DSCAML1: variants seen among roughly 807,000 people sequenced by gnomAD.
The protein encoded by DSCAML1 is cell adhesion molecule DSCAML1.
DSCAML1 carries 38 observed loss-of-function variants against 200.5 expected under a neutral mutation model. The observed-to-expected ratio is 0.19, with a 90% CI of 0.15 to 0.25. DSCAML1 has a LOEUF of 0.25. Among genes scored for constraint, DSCAML1 ranks in the 10% least tolerant of loss-of-function variants. DSCAML1 has a pLI of 1.00. For missense variants in DSCAML1, 2,223 were observed against 2,858.8 expected (o/e 0.78, Z 5.07); for synonymous variants, 1,215 against 1,165.0 (o/e 1.04, Z -0.87).
In DSCAML1 at chr11:117,780,458, T is replaced by C; in HGVS notation, c.364+35A>G. 6 of 1,416,092 alleles carry C rather than the reference T, an allele frequency of 4.2e-6. No homozygotes were observed. Among genetic ancestry groups the C allele is most frequent in the Non-Finnish European group, 5.6e-6 (6 of 1,080,590 alleles). 87.7% of individuals were successfully genotyped at this position (1,416,092 alleles called of 1,614,324 possible). A position where few individuals can be genotyped will look rare whatever the true frequency, so the allele number is the denominator to read the frequency against. ...TCAGAATGACGGCGCAGCCTCCTCC[T>C]GTGCCACTGGGGCAGCCAGTGTCTT... On this transcript the variant is annotated intron_variant, in intron 2 of 32. Coordinates refer to ENST00000651296, the MANE Select transcript of DSCAML1 (RefSeq NM_020693.4). This position sits in a 1 kb window ranked among gnomAD's most constrained non-coding sequence, Gnocchi z 4.8.
At chr11:117,575,872 C>CAAAACAAAACAAACAAA (rs2050924503) in intron 3 of DSCAML1, among the ~76,000 whole-genome samples, 1 of 136,958 alleles carries the variant, frequency 7.3e-6, no homozygotes, top group Admixed American at 7.4e-5. Context: ...CAAAACAAAA[C>CAAAACAAAACAAACAAA]AAAACAAAAC....
intron 3 of DSCAML1, chr11:117,611,371 T>C (rs1485760247): frequency 1.3e-5 from 2 of 152,202 alleles, no homozygotes; most frequent in East Asian, 3.8e-4. Flanking sequence ...CACAGGAGCA[T>C]CTTTACAGTG....
intron 11 of DSCAML1, among the ~76,000 whole-genome samples, chr11:117,484,357 C>T (rs61040460): frequency 0.012 from 1,881 of 152,304 alleles, 41 homozygotes; most frequent in African/African-American, 0.043. Flanking sequence ...CAAGCCACCT[C>T]CTCTGCTGCC....
chr11:117,474,725 T>G (rs966970513), intron 14 of DSCAML1, among the ~76,000 whole-genome samples: 2 of 152,020 alleles, frequency 1.3e-5, no homozygotes, highest in Admixed American at 1.3e-4. Context: ...TCAAGTGGGA[T>G]AGCTTTTGTG....
At chr11:117,624,317 C>T (rs1166333702) in intron 3 of DSCAML1, among the ~76,000 whole-genome samples, 3 of 152,054 alleles carry the variant, frequency 2.0e-5, no homozygotes, top group African/African-American at 7.2e-5. Flanking sequence ...TCTTTAGGCC[C>T]CTAAGAATGA....
chr11:117,480,247 C>T lies in DSCAML1; in HGVS notation c.2785+196G>A, dbSNP rs1473494704. Among the ~76,000 whole-genome samples the T allele has an allele frequency of 6.6e-6, 1 of 152,322 alleles. No homozygotes were observed. Among genetic ancestry groups the T allele is most frequent in the East Asian group, 1.9e-4 (1 of 5,168 alleles). On this transcript the variant is annotated intron_variant, in intron 14 of 32. Transcript: ENST00000651296. The surrounding 1 kb of genome is among the most constrained non-coding windows in gnomAD (Gnocchi z 4.1). ...CCATCAACTGGGGGTCTCCATCTTC[C>T]ACCCGGACTCCTAGCCCGGCCAGTG...
At chr11:117,787,899 G>A (rs1382352824) in intron 1 of DSCAML1, among the ~76,000 whole-genome samples, 1 of 152,174 alleles carries the variant, frequency 6.6e-6, no homozygotes, top group Non-Finnish European at 1.5e-5. Context: ...TGGGAGATGT[G>A]TTATGTGCCC....
intron 19 of DSCAML1, among the ~76,000 whole-genome samples, 192 bp downstream of exon 19, chr11:117,458,562 G>T (rs980679632): frequency 6.6e-6 from 1 of 151,938 alleles, no homozygotes; most frequent in Admixed American, 6.6e-5. Flanking sequence ...GTGCAGGGAG[G>T]TTCACAGTTG....
intron 3 of DSCAML1, among the ~76,000 whole-genome samples, chr11:117,587,196 C>G (rs1304631136): frequency 1.3e-5 from 2 of 151,798 alleles, no homozygotes; most frequent in Admixed American, 1.3e-4. Flanking sequence ...ACTGAAATAG[C>G]TGATACATGG....
intron 3 of DSCAML1, among the ~76,000 whole-genome samples, chr11:117,703,886 CCCCATCA>C (rs1434736605): frequency 6.6e-6 from 1 of 152,218 alleles, no homozygotes; most frequent in Non-Finnish European, 1.5e-5. Flanking sequence ...TACCAACACT[CCCCATCA>C]CAGAGCACGG....
chr11:117,737,049 G>GGGTATCA (rs1285696718), intron 3 of DSCAML1, among the ~76,000 whole-genome samples: 1 of 152,174 alleles, frequency 6.6e-6, no homozygotes, highest in Non-Finnish European at 1.5e-5. Flanking sequence ...TACACAGTGT[G>GGGTATCA]GGTATCAGGC....
In DSCAML1 at chr11:117,741,196, C is replaced by T. The variant is rs113291738; in HGVS notation, c.511+35595G>A. ...AGCAGCCGCCCAGCCAGGGACTCTG[C>T]TTTCCCAGAACTCCTTACATCTAGG... On this transcript the variant is annotated intron_variant, in intron 3 of 32. Coordinates refer to ENST00000651296, the MANE Select transcript of DSCAML1 (RefSeq NM_020693.4). Among the ~76,000 whole-genome samples, 278 of 152,350 alleles carry T rather than the reference C, an allele frequency of 1.8e-3. 1 individual carries two copies. Among genetic ancestry groups the T allele is most frequent in the African/African-American group, 6.2e-3 (259 of 41,580 alleles).
At chr11:117,464,867 A>C in intron 17 of DSCAML1, 75 bp downstream of exon 17, 1 of 1,570,230 alleles carries the variant, frequency 6.4e-7, no homozygotes. Flanking sequence ...AGAGGGACCC[A>C]CAAACCCTCT....
At chr11:117,430,234 T>C (rs1313349960) in intron 32 of DSCAML1, among the ~76,000 whole-genome samples, 5 of 152,186 alleles carry the variant, frequency 3.3e-5, no homozygotes, top group African/African-American at 7.2e-5. Flanking sequence ...GGTATGACCA[T>C]GGTGGGTGGA....
chr11:117,554,643 C>T (rs2050526724), intron 3 of DSCAML1, among the ~76,000 whole-genome samples: 3 of 152,172 alleles, frequency 2.0e-5, no homozygotes, highest in Admixed American at 2.0e-4. Flanking sequence ...TACCAAAGTG[C>T]TGGGATTATA....
At chr11:117,704,891 A>G (rs1259370215) in intron 3 of DSCAML1, among the ~76,000 whole-genome samples, 1 of 152,160 alleles carries the variant, frequency 6.6e-6, no homozygotes, top group Admixed American at 6.5e-5. Flanking sequence ...AGAACTCTTC[A>G]TTCAGAGGAA....
intron 19 of DSCAML1, among the ~76,000 whole-genome samples, chr11:117,451,884 A>G (rs2048290441): frequency 6.6e-6 from 1 of 152,102 alleles, no homozygotes; most frequent in Non-Finnish European, 1.5e-5. Flanking sequence ...AATTGTAACG[A>G]TTATTATTTT....
chr11:117,764,488 C>T (rs563743232), intron 3 of DSCAML1, among the ~76,000 whole-genome samples: 2 of 152,206 alleles, frequency 1.3e-5, no homozygotes, highest in African/African-American at 4.8e-5. Flanking sequence ...GTCTACATAA[C>T]ACAGCACCCA....
intron 3 of DSCAML1, among the ~76,000 whole-genome samples, chr11:117,681,498 T>C (rs2053312372): frequency 6.6e-6 from 1 of 152,236 alleles, no homozygotes; most frequent in South Asian, 2.1e-4. Context: ...TTTTGCAGGC[T>C]ATTCCAAGGC....
Sources: gnomAD v4.1 joint callset for allele counts (sites outside exome capture counted in the v4.1 genomes callset) on GRCh38, gnomAD v4.1.1 for gene constraint, Gnocchi (gnomAD v3.1) non-coding constraint, MANE v1.5 for transcripts, NCBI Gene and HGNC (gene_info 2026-07-23, HGNC 2026-07-21) for gene names.